Variants in AGBL4 observed in about 807,000 individuals in gnomAD.
AGBL4 encodes the protein cytosolic carboxypeptidase 6.
A neutral mutation model predicts 66.4 loss-of-function variants in AGBL4; 58 were observed. The ratio of observed to expected loss-of-function variants is 0.87; its 90% CI spans 0.71 to 1.09. AGBL4 has a LOEUF of 1.09. Ranked by LOEUF, AGBL4 falls within the 50% of genes least tolerant of loss-of-function variation. AGBL4 has a pLI of 0.00. For synonymous variants in AGBL4, 234 were observed against 222.9 expected (o/e 1.05, Z -0.44); for missense variants, 579 against 631.0 (o/e 0.92, Z 0.88).
chr1:48,877,526 C>T (rs1051160840), intron 5 of AGBL4, among the ~76,000 whole-genome samples: 1 of 151,768 alleles, frequency 6.6e-6, no homozygotes, highest in Non-Finnish European at 1.5e-5. Context: ...TTATAATATA[C>T]TAATTCCAAA....
At chr1:48,982,636 A>G in intron 5 of AGBL4, among the ~76,000 whole-genome samples, 1 of 151,990 alleles carries the variant, frequency 6.6e-6, no homozygotes, top group Non-Finnish European at 1.5e-5. Flanking sequence ...AGTCTTTGCT[A>G]TTGTGGATAG....
intron 3 of AGBL4, among the ~76,000 whole-genome samples, chr1:49,280,589 A>G (rs1016751843): frequency 1.3e-5 from 2 of 152,220 alleles, no homozygotes; most frequent in Non-Finnish European, 2.9e-5. Context: ...GTTCAACTCC[A>G]AATGTCAAGT....
intron 4 of AGBL4, among the ~76,000 whole-genome samples, chr1:49,052,486 A>T (rs933322318): frequency 1.3e-5 from 2 of 152,178 alleles, no homozygotes; most frequent in Non-Finnish European, 2.9e-5. Flanking sequence ...GTGGTTACTA[A>T]AAAGCATCCT....
chr1:48,680,090 A>C (rs1415541975), intron 6 of AGBL4, among the ~76,000 whole-genome samples: 2 of 152,258 alleles, frequency 1.3e-5, no homozygotes, highest in Non-Finnish European at 2.9e-5. Context: ...AGCCAGATCA[A>C]TTCCCAGAAG....
At chr1:48,991,046 C>G (rs1326639495) in intron 5 of AGBL4, among the ~76,000 whole-genome samples, 1 of 152,092 alleles carries the variant, frequency 6.6e-6, no homozygotes, top group Non-Finnish European at 1.5e-5. Context: ...TTTATGTGTA[C>G]TTACTGTTAC....
chr1:48,922,015 C>T (rs985285212), intron 5 of AGBL4, among the ~76,000 whole-genome samples: 1 of 152,114 alleles, frequency 6.6e-6, no homozygotes, highest in Admixed American at 6.6e-5. Flanking sequence ...ACAAATAGTA[C>T]TCAGTACTAT....
At chr1:49,073,679 G>A (rs1319361827) in intron 4 of AGBL4, among the ~76,000 whole-genome samples, 1 of 152,182 alleles carries the variant, frequency 6.6e-6, no homozygotes, top group Non-Finnish European at 1.5e-5. Flanking sequence ...TGTATGAGGG[G>A]TCTGTTGGCC....
intron 6 of AGBL4, among the ~76,000 whole-genome samples, chr1:48,815,460 A>G (rs916939647): frequency 3.3e-5 from 5 of 152,262 alleles, no homozygotes; most frequent in Middle Eastern, 3.4e-3. Flanking sequence ...AAAGAACAGG[A>G]GTCAGTAGGA....
Position 49,464,580 on chromosome 1 carries a change from G to A in AGBL4, c.283-218716C>T, listed in dbSNP as rs1646584965. ...AAAACACAAAGGCGACTTTAACATTGCATTAGTGTGTTCTTTTGTTTTTAG... is the reference window on the plus strand; with the variant it reads ...AAAACACAAAGGCGACTTTAACATTACATTAGTGTGTTCTTTTGTTTTTAG... On this transcript the variant is annotated intron_variant, in intron 3 of 13. Coordinates refer to ENST00000371839, the MANE Select transcript of AGBL4 (RefSeq NM_032785.4). 4.6e-5 allele frequency among the ~76,000 whole-genome samples: 7 copies of A among 151,824 alleles called. No homozygotes were observed. In the South Asian group the frequency reaches 1.5e-3, roughly 32 times the overall value.
intron 5 of AGBL4, among the ~76,000 whole-genome samples, chr1:48,959,111 T>C (rs1466419065): frequency 1.3e-5 from 2 of 152,204 alleles, no homozygotes; most frequent in African/African-American, 4.8e-5. Flanking sequence ...CTGGATAGCG[T>C]AGGAAGAGCA....
At chr1:49,305,650 T>C (rs532326494) in intron 3 of AGBL4, among the ~76,000 whole-genome samples, 1 of 152,256 alleles carries the variant, frequency 6.6e-6, no homozygotes, top group Admixed American at 6.5e-5. Flanking sequence ...GTGTAGTTGA[T>C]ATTTTTTATT....
intron 1 of AGBL4, among the ~76,000 whole-genome samples, chr1:49,992,366 C>A (rs1029450480): frequency 1.0e-4 from 15 of 145,412 alleles, no homozygotes; most frequent in Non-Finnish European, 2.3e-4. Flanking sequence ...AGTGAGACTC[C>A]GTCTCAAAAA....
chr1:48,941,584 C>A (rs1655979434), intron 5 of AGBL4, among the ~76,000 whole-genome samples: 1 of 152,146 alleles, frequency 6.6e-6, no homozygotes, highest in Admixed American at 6.6e-5. Flanking sequence ...CCTTGGGATC[C>A]TTTAAGCTGT....
At chr1:49,046,355 A>G (rs1192763256) in intron 4 of AGBL4, among the ~76,000 whole-genome samples, 1 of 152,190 alleles carries the variant, frequency 6.6e-6, no homozygotes, top group Admixed American at 6.6e-5. Flanking sequence ...ACTCATATGC[A>G]TTGTATATAT....
chr1:49,589,916 C>T (rs940191992), intron 3 of AGBL4, among the ~76,000 whole-genome samples: 1 of 151,964 alleles, frequency 6.6e-6, no homozygotes, highest in East Asian at 1.9e-4. Flanking sequence ...GCTATTTTGA[C>T]TCTTACTTGG....
At chr1:49,979,469 A>G (rs934168626) in intron 1 of AGBL4, among the ~76,000 whole-genome samples, 1 of 149,824 alleles carries the variant, frequency 6.7e-6, no homozygotes, top group Non-Finnish European at 1.5e-5. Flanking sequence ...CTCCGCCTCA[A>G]AAAAAAAAAA....
intron 1 of AGBL4, among the ~76,000 whole-genome samples, chr1:49,900,317 C>A (rs1649645297): frequency 6.6e-6 from 1 of 151,974 alleles, no homozygotes. Context: ...GCAGTCTCGG[C>A]TCACCACAAA....
chr1:49,307,935 C>T (rs753163003), intron 3 of AGBL4, among the ~76,000 whole-genome samples: 154 of 152,230 alleles, frequency 1.0e-3, no homozygotes, highest in Non-Finnish European at 2.0e-3. Flanking sequence ...GAACTGTAAT[C>T]CCCAGTGTTG....
intron 2 of AGBL4, among the ~76,000 whole-genome samples, chr1:49,832,948 G>A (rs1422877208): frequency 2.0e-5 from 3 of 151,968 alleles, no homozygotes; most frequent in Non-Finnish European, 2.9e-5. Context: ...TAGGTTGCCT[G>A]TTCACTCTGA....
Sources: allele counts gnomAD v4.1 joint callset (sites outside exome capture counted in the v4.1 genomes callset), GRCh38; gene constraint gnomAD v4.1.1; transcripts MANE v1.5; gene names NCBI Gene and HGNC (gene_info 2026-07-23, HGNC 2026-07-21).